Variants in SLC35F3 observed in about 807,000 individuals in gnomAD.
The protein encoded by SLC35F3 is putative thiamine transporter SLC35F3.
A neutral mutation model predicts 49.9 loss-of-function variants in SLC35F3; 25 were observed. The observed-to-expected ratio is 0.50, with a 90% CI of 0.37 to 0.70. The LOEUF is 0.70. Among genes scored for constraint, SLC35F3 ranks in the 30% least tolerant of loss-of-function variants. The probability of loss-of-function intolerance (pLI) is 0.00; values close to 1 mark genes in which losing one functional copy is unlikely to be tolerated. For missense variants in SLC35F3, 525 were observed against 639.8 expected (o/e 0.82, Z 1.94); for synonymous variants, 275 against 265.4 (o/e 1.04, Z -0.35).
intron 2 of SLC35F3, among the ~76,000 whole-genome samples, chr1:234,102,715 C>T (rs1665231644): frequency 6.6e-6 from 1 of 152,218 alleles, no homozygotes; most frequent in African/African-American, 2.4e-5. Flanking sequence ...CCTCTTGCTC[C>T]TTCTGCAATT....
At chr1:233,964,701 C>T (rs1217304530) in intron 2 of SLC35F3, among the ~76,000 whole-genome samples, 1 of 152,192 alleles carries the variant, frequency 6.6e-6, no homozygotes, top group East Asian at 1.9e-4. Context: ...AAAGGAGTGA[C>T]AGCAGAGAGA....
chr1:234,151,238 G>A (rs1043560641), intron 2 of SLC35F3, among the ~76,000 whole-genome samples: 1 of 149,170 alleles, frequency 6.7e-6, no homozygotes, highest in African/African-American at 2.5e-5. Flanking sequence ...AAAGCAAGCT[G>A]CCATTTACAT....
chr1:233,962,475 A>C (rs1662820123), intron 2 of SLC35F3, among the ~76,000 whole-genome samples: 1 of 152,208 alleles, frequency 6.6e-6, no homozygotes, highest in Non-Finnish European at 1.5e-5. Context: ...TGTGCCTTAC[A>C]CTAATTGCCA....
At chr1:233,967,251 C>A (rs1442116198) in intron 2 of SLC35F3, among the ~76,000 whole-genome samples, 1 of 151,986 alleles carries the variant, frequency 6.6e-6, no homozygotes. Flanking sequence ...GCAAGCCCCC[C>A]CCACCCCAAA....
chr1:234,249,029 T>C (rs2102961967), intron 3 of SLC35F3, among the ~76,000 whole-genome samples: 1 of 152,314 alleles, frequency 6.6e-6, no homozygotes, highest in South Asian at 2.1e-4. Flanking sequence ...TCTTAGGGAA[T>C]GCACCCCAGG....
At chr1:234,308,461 C>T (rs1346904539) in intron 3 of SLC35F3, among the ~76,000 whole-genome samples, 1 of 151,416 alleles carries the variant, frequency 6.6e-6, no homozygotes, top group Admixed American at 6.6e-5. Context: ...TTTTTTTTTG[C>T]GATTTCTTTT....
At chr1:234,056,051 T>A (rs1172301981) in intron 2 of SLC35F3, among the ~76,000 whole-genome samples, 1 of 152,100 alleles carries the variant, frequency 6.6e-6, no homozygotes, top group Non-Finnish European at 1.5e-5. Context: ...TTCATTAAAT[T>A]TTTCTTGGTT....
At chr1:234,205,121 T>C (rs2102936634) in intron 2 of SLC35F3, among the ~76,000 whole-genome samples, 1 of 152,330 alleles carries the variant, frequency 6.6e-6, no homozygotes, top group African/African-American at 2.4e-5. Flanking sequence ...TGGAGCACTT[T>C]ATATTTTTTT....
intron 2 of SLC35F3, among the ~76,000 whole-genome samples, chr1:234,139,999 T>TAAAATAAAATAA (rs1299007462): frequency 9.1e-6 from 1 of 110,004 alleles, no homozygotes; most frequent in South Asian, 2.7e-4. Flanking sequence ...TAAAATAAAA[T>TAAAATAAAATAA]AAAGTAAGTG....
chr1:233,995,186 A>T (rs1553295383), intron 2 of SLC35F3, among the ~76,000 whole-genome samples: 1 of 152,240 alleles, frequency 6.6e-6, no homozygotes, highest in Non-Finnish European at 1.5e-5. Context: ...TCTAGAACTC[A>T]ATACTAAGTA....
chr1:234,174,104 C>T (rs144073371), intron 2 of SLC35F3, among the ~76,000 whole-genome samples: 1 of 152,086 alleles, frequency 6.6e-6, no homozygotes, highest in African/African-American at 2.4e-5. Flanking sequence ...TGTGTTCCTG[C>T]GGCATGGTGC....
intron 2 of SLC35F3, among the ~76,000 whole-genome samples, chr1:233,997,635 T>C (rs573652567): frequency 6.6e-6 from 1 of 152,340 alleles, no homozygotes; most frequent in Admixed American, 6.5e-5. Context: ...GGCACACCAT[T>C]CCTTCTTGCA....
At chr1:233,977,903 A>C (rs1413974680) in intron 2 of SLC35F3, among the ~76,000 whole-genome samples, 2 of 152,188 alleles carry the variant, frequency 1.3e-5, no homozygotes, top group African/African-American at 2.4e-5. Context: ...GACATGGAAA[A>C]TTAGGAGAAG....
intron 2 of SLC35F3, among the ~76,000 whole-genome samples, chr1:233,954,338 C>T (rs1662659764): frequency 6.6e-6 from 1 of 152,040 alleles, no homozygotes; most frequent in African/African-American, 2.4e-5. Flanking sequence ...CACTGAGCTT[C>T]TGACAAAATA....
chr1:234,194,156 C>T (rs59613479), intron 2 of SLC35F3, among the ~76,000 whole-genome samples: 7,958 of 152,238 alleles, frequency 0.052, 677 homozygotes, highest in African/African-American at 0.18. Context: ...TACTTGCATA[C>T]GCAAGCTTAT....
intron 2 of SLC35F3, among the ~76,000 whole-genome samples, chr1:233,959,814 C>T (rs1372381984): frequency 1.3e-5 from 2 of 152,148 alleles, no homozygotes; most frequent in African/African-American, 4.8e-5. Context: ...TACCTTGAAA[C>T]CACTTTGGAG....
Position 234,061,671 on chromosome 1 carries a change from G to C in SLC35F3, c.283+155913G>C, listed in dbSNP as rs563710595. Among the ~76,000 whole-genome samples, 28 of 151,778 alleles carry C rather than the reference G, an allele frequency of 1.8e-4. No individual in the cohort carries two copies. The East Asian group carries it at 5.0e-3, about 27-fold the overall frequency. On this transcript the variant is annotated intron_variant, in intron 2 of 7. Transcript: ENST00000366618. Reference sequence around the variant, plus strand: ...ATTCTTTTGTTTCTCTGTTCTTCAGGTTACATAATCTTTGTCAATCTATCC... The same window carrying C: ...ATTCTTTTGTTTCTCTGTTCTTCAGCTTACATAATCTTTGTCAATCTATCC...
intron 3 of SLC35F3, among the ~76,000 whole-genome samples, chr1:234,232,165 C>T (rs1413064986): frequency 6.6e-6 from 1 of 152,202 alleles, no homozygotes; most frequent in African/African-American, 2.4e-5. Context: ...GCTGCAGAGA[C>T]TTCCTTACTC....
At chr1:234,024,600 G>A (rs1487755433) in intron 2 of SLC35F3, among the ~76,000 whole-genome samples, 2 of 152,098 alleles carry the variant, frequency 1.3e-5, no homozygotes, top group African/African-American at 4.8e-5. Context: ...CCACGTGAAG[G>A]ACACCACATG....
Sources: allele counts gnomAD v4.1 joint callset (sites outside exome capture counted in the v4.1 genomes callset), GRCh38; gene constraint gnomAD v4.1.1; transcripts MANE v1.5; gene names NCBI Gene and HGNC (gene_info 2026-07-23, HGNC 2026-07-21).